The following ABCD2 variants were observed in gnomAD, a reference collection of about 807,000 sequenced individuals.
ABCD2 encodes the protein ATP-binding cassette sub-family D member 2.
A neutral mutation model predicts 70.9 loss-of-function variants in ABCD2; 36 were observed. The observed-to-expected ratio is 0.51, with a 90% CI of 0.39 to 0.67. The LOEUF (loss-of-function observed/expected upper bound fraction) is 0.67. ABCD2 is among the 30% of genes least tolerant of loss of function. ABCD2 has a pLI of 0.00. For synonymous variants in ABCD2, 304 were observed against 306.9 expected (o/e 0.99, Z 0.10); for missense variants, 729 against 890.2 (o/e 0.82, Z 2.30).
chr12:39,588,900 G>A (rs1941704515), intron 6 of ABCD2, among the ~76,000 whole-genome samples: 1 of 152,162 alleles, frequency 6.6e-6, no homozygotes, highest in Non-Finnish European at 1.5e-5. Context: ...AATGGATTGG[G>A]AAAAACAAGT....
At chr12:39,608,557 A>T (rs1942003063) in intron 2 of ABCD2, among the ~76,000 whole-genome samples, 1 of 151,812 alleles carries the variant, frequency 6.6e-6, no homozygotes, top group African/African-American at 2.4e-5. Flanking sequence ...GCATGATGGC[A>T]GATTCCTGCA....
intron 3 of ABCD2, 141 bp from the exon 4 acceptor site, chr12:39,605,071 A>G (rs1393443952): frequency 2.6e-5 from 14 of 532,028 alleles, no homozygotes; most frequent in Non-Finnish European, 4.2e-5. Flanking sequence ...TACATCTGAA[A>G]ACTAAAACAC....
At chr12:39,536,889 A>C in the ABCD2 span, among the ~76,000 whole-genome samples, 1 of 152,156 alleles carries the variant, frequency 6.6e-6, no homozygotes, top group African/African-American at 2.4e-5. Context: ...TTGCATTGCA[A>C]ACACTACCCA....
intron 6 of ABCD2, among the ~76,000 whole-genome samples, chr12:39,587,617 T>G (rs1019675398): frequency 2.6e-5 from 4 of 152,216 alleles, no homozygotes; most frequent in Non-Finnish European, 4.4e-5. Context: ...CTGAAACTAG[T>G]GAAGTTGGTT....
At chr12:39,598,008 A>G (rs1303211267) in intron 6 of ABCD2, among the ~76,000 whole-genome samples, 1 of 152,240 alleles carries the variant, frequency 6.6e-6, no homozygotes, top group Non-Finnish European at 1.5e-5. Flanking sequence ...TTCCAAGCTT[A>G]TGAACTGAGC....
chr12:39,618,842 T>C lies in ABCD2; in HGVS notation c.774A>G (p.Leu258=). ...SRGASPIGPT[L]LAGLVVYATA... Reference sequence around the variant, plus strand: ...TGGCATACACCACAAGTCCTGCTAGTAGGGTGGGCCCAATTGGGCTTGCTC... The same window carrying C: ...TGGCATACACCACAAGTCCTGCTAGCAGGGTGGGCCCAATTGGGCTTGCTC... Residue 258 remains leucine (L), a synonymous_variant, in exon 1 of 10, where the codon CTA becomes CTG. Coordinates refer to ENST00000308666, the MANE Select transcript of ABCD2 (RefSeq NM_005164.4). 2 of 1,614,218 alleles carry C rather than the reference T, an allele frequency of 1.2e-6. No homozygotes were observed. Among genetic ancestry groups the C allele is most frequent in the Non-Finnish European group, 1.7e-6 (2 of 1,180,026 alleles).
intron 9 of ABCD2, among the ~76,000 whole-genome samples, chr12:39,569,167 C>T (rs1941407409): frequency 6.6e-6 from 1 of 152,174 alleles, no homozygotes; most frequent in South Asian, 2.1e-4. Flanking sequence ...CAGACAGGGA[C>T]ATTTAAGTCT....
At chr12:39,563,382 A>G (rs1941290032) in intron 9 of ABCD2, among the ~76,000 whole-genome samples, 1 of 152,086 alleles carries the variant, frequency 6.6e-6, no homozygotes, top group Admixed American at 6.6e-5. Flanking sequence ...ACAGAGTGAG[A>G]CCCTGACTCT....
intron 6 of ABCD2, among the ~76,000 whole-genome samples, chr12:39,587,300 GC>G (rs1941679324): frequency 6.6e-6 from 1 of 152,144 alleles, no homozygotes; most frequent in Non-Finnish European, 1.5e-5. Flanking sequence ...AAAGCAAAAT[GC>G]AAAAGTAGAC....
At position 39,619,034 on chromosome 12, in the gene ABCD2, A is replaced by C. The variant is rs761685898; in HGVS notation, c.582T>G (p.Tyr194Ter). The change falls in exon 1 of 10, where the codon TAT becomes TAG. Residue 194 changes from tyrosine to a stop codon, truncating the protein, a stop_gained. Coordinates refer to ENST00000308666, the MANE Select transcript of ABCD2 (RefSeq NM_005164.4). LOFTEE classifies it high-confidence loss of function. ...YETYFTNQTY[Y>*]KVINMDGRLA... is the part of the protein sequence containing the mutation. ...GCCTCCCATCCATATTGATCACTTT[A>C]TAATAAGTCTGATTTGTAAAATAGG... is the stretch of plus-strand genomic sequence containing the variant. 3 of 1,614,230 alleles carry C rather than the reference A, an allele frequency of 1.9e-6. No homozygotes were observed. Among genetic ancestry groups the C allele is most frequent in the Middle Eastern group, 1.6e-4 (1 of 6,062 alleles).
chr12:39,559,378 C>CAAA (rs199560381), intron 9 of ABCD2, among the ~76,000 whole-genome samples: 14 of 60,322 alleles, frequency 2.3e-4, no homozygotes, highest in South Asian at 1.6e-3. Flanking sequence ...ACTCCAGCTC[C>CAAA]AAAAAAAAAA....
At chr12:39,539,103 T>C in the ABCD2 span, among the ~76,000 whole-genome samples, 2 of 152,222 alleles carry the variant, frequency 1.3e-5, no homozygotes, top group Non-Finnish European at 2.9e-5. Flanking sequence ...GATACTTTGA[T>C]ATTTCAAAAA....
rs1439907821 is a variant in ABCD2, at chr12:39,553,639, A to C, written c.*273T>G. On this transcript the variant is annotated 3_prime_UTR_variant, in exon 10 of 10. Coordinates refer to ENST00000308666, the MANE Select transcript of ABCD2 (RefSeq NM_005164.4). ...ACCACATATACATAGTAAATCTGGT[A>C]TTCATCATGAATTCACCTAGAAAAT... 34 of 361,472 alleles carry C rather than the reference A, an allele frequency of 9.4e-5. No individual in the cohort carries two copies. Among genetic ancestry groups the C allele is most frequent in the Non-Finnish European group, 1.2e-4 (23 of 198,574 alleles). 22.4% of individuals were successfully genotyped at this position (361,472 alleles called of 1,614,324 possible).
the ABCD2 span, among the ~76,000 whole-genome samples, chr12:39,531,899 C>G: frequency 2.0e-5 from 3 of 152,236 alleles, no homozygotes; most frequent in African/African-American, 7.2e-5. Flanking sequence ...CTGAACGTTA[C>G]GTATTCCCAA....
chr12:39,575,416 G>A (rs1941502615), intron 8 of ABCD2, among the ~76,000 whole-genome samples: 1 of 151,990 alleles, frequency 6.6e-6, no homozygotes, highest in African/African-American at 2.4e-5. Flanking sequence ...ATTCGATACT[G>A]ATATAAGAAA....
intron 2 of ABCD2, among the ~76,000 whole-genome samples, chr12:39,610,246 T>C (rs1942027217): frequency 6.6e-6 from 1 of 152,136 alleles, no homozygotes; most frequent in African/African-American, 2.4e-5. Flanking sequence ...CATGAGTTCA[T>C]GGAGATGTTT....
rs1941820418 is a variant in ABCD2 at position 39,596,685 on chromosome 12, T to C, written c.1646+3886A>G. Among the ~76,000 whole-genome samples, 3 of 152,188 alleles carry C rather than the reference T, an allele frequency of 2.0e-5. No homozygotes were observed. In the South Asian group the frequency reaches 6.2e-4, roughly 32 times the overall value. ...TCTTGTGGGCCTTAGTATTTGGGCC[T>C]GCATAGTAAGTTTGAATAGTAAGAA... is the stretch of plus-strand genomic sequence containing the variant. On this transcript the variant is annotated intron_variant, in intron 6 of 9. Transcript: ENST00000308666.
intron 9 of ABCD2, among the ~76,000 whole-genome samples, chr12:39,569,666 G>T (rs569743855): frequency 1.4e-4 from 21 of 152,266 alleles, no homozygotes; most frequent in Admixed American, 9.1e-4. Flanking sequence ...CCAGTGAGAT[G>T]AACCCGGTAC....
Position 39,551,354 on chromosome 12 carries a change from A to C in ABCD2, c.*2558T>G, listed in dbSNP as rs1313894398. On this transcript the variant is annotated 3_prime_UTR_variant, in exon 10 of 10. Coordinates refer to ENST00000308666, the MANE Select transcript of ABCD2 (RefSeq NM_005164.4). ...CAAATAGATATAACATGGTAAAAGT[A>C]GTTTGAAACTTGAAATATTCTTTCT... is the stretch of plus-strand genomic sequence containing the variant. 1 of 151,748 alleles carries C rather than the reference A, an allele frequency of 6.6e-6. No individual in the cohort carries two copies. Among genetic ancestry groups the C allele is most frequent in the Non-Finnish European group, 1.5e-5 (1 of 67,680 alleles). The allele number at this position is 151,748 out of a possible 1,614,324, so 9.4% of individuals were successfully genotyped here.
Sources: allele counts gnomAD v4.1 joint callset (sites outside exome capture counted in the v4.1 genomes callset), GRCh38; gene constraint gnomAD v4.1.1; transcripts MANE v1.5; gene names NCBI Gene and HGNC (gene_info 2026-07-23, HGNC 2026-07-21).